Variants in CASK observed in about 807,000 individuals in gnomAD.
CASK encodes the protein calcium/calmodulin dependent serine protein kinase, also known as peripheral plasma membrane protein CASK.
A neutral mutation model predicts 82.9 loss-of-function variants in CASK; 4 were observed. The observed-to-expected ratio is 0.05, with a 90% confidence interval of 0.02 to 0.11. The LOEUF (loss-of-function observed/expected upper bound fraction) is 0.11. CASK is among the 10% of genes least tolerant of loss of function. The pLI, the probability that CASK is intolerant of heterozygous loss-of-function variation, is 1.00. For missense variants in CASK, 358 were observed against 720.9 expected, an observed-to-expected ratio of 0.50 and a Z score of 5.76; for synonymous variants, 259 against 253.5, an observed-to-expected ratio of 1.02 and a Z score of -0.20.
intron 25 of CASK, among the ~76,000 whole-genome samples, chrX:41,527,985 C>A (rs905347823): frequency 2.2e-4 from 25 of 112,480 alleles, no homozygotes; most frequent in African/African-American, 6.8e-4. Context: ...TTACATTGTA[C>A]TACTATGGAT....
chrX:41,712,967 A>G (rs987559668), intron 5 of CASK, among the ~76,000 whole-genome samples: 2 of 111,250 alleles, frequency 1.8e-5, no homozygotes, highest in African/African-American at 6.5e-5. Context: ...CCCACTACCC[A>G]CCAAATTATC....
intron 10 of CASK, 54 bp downstream of exon 10, chrX:41,626,550 T>C (rs921053025): frequency 1.4e-6 from 1 of 727,615 alleles, no homozygotes; most frequent in Non-Finnish European, 2.2e-6. Flanking sequence ...TGGGAGAGAA[T>C]GGATGTAAAT....
intron 22 of CASK, among the ~76,000 whole-genome samples, chrX:41,541,015 T>C (rs1278725003): frequency 1.8e-5 from 2 of 112,250 alleles, no homozygotes; most frequent in African/African-American, 3.2e-5. Flanking sequence ...ATCCCATCTA[T>C]ATCTATGTAT....
At chrX:41,723,667 T>C (rs2068205525) in intron 5 of CASK, among the ~76,000 whole-genome samples, 1 of 111,648 alleles carries the variant, frequency 9.0e-6, no homozygotes, top group Non-Finnish European at 1.9e-5. Flanking sequence ...TTACAGTGAG[T>C]TCCTCTGGGC....
intron 14 of CASK, among the ~76,000 whole-genome samples, chrX:41,580,667 C>G (rs764728917): frequency 9.0e-6 from 1 of 111,344 alleles, no homozygotes; most frequent in Non-Finnish European, 1.9e-5. Context: ...GAAACTTAAC[C>G]TAAAGCTCTA....
chrX:41,680,733 T>G lies in CASK; in HGVS notation c.430-9203A>C, dbSNP rs776498609. ...GAGTTCAAGACCAGCCTGACCAACA[T>G]GGAGAAACCCCGTCTCTACTAAAAA... On this transcript the variant is annotated intron_variant, in intron 5 of 26. Transcript: ENST00000378163. 5.5e-5 allele frequency among the ~76,000 whole-genome samples: 6 copies of G among 109,250 alleles called. No homozygotes were observed. The South Asian group carries it at 2.4e-3, about 43-fold the overall frequency. The allele number at this position is 109,250 out of a possible 115,157, so 94.9% of individuals were successfully genotyped here.
intron 5 of CASK, among the ~76,000 whole-genome samples, chrX:41,734,787 C>T (rs2068470412): frequency 9.0e-6 from 1 of 111,261 alleles, no homozygotes; most frequent in Admixed American, 9.6e-5. Flanking sequence ...CCAGGACAGC[C>T]TCCCACAGCA....
intron 22 of CASK, among the ~76,000 whole-genome samples, chrX:41,542,370 T>C (rs1454837157): frequency 2.7e-5 from 3 of 113,088 alleles, no homozygotes; most frequent in Non-Finnish European, 3.7e-5. Context: ...CAAGGATAGA[T>C]AAGAATCCTG....
intron 12 of CASK, among the ~76,000 whole-genome samples, chrX:41,603,421 C>A (rs746935223): frequency 8.9e-6 from 1 of 111,854 alleles, no homozygotes; most frequent in Non-Finnish European, 1.9e-5. Flanking sequence ...CCATGGCTAA[C>A]TCCAGGCCAG....
chrX:41,576,688 C>A (rs184142091), intron 15 of CASK, among the ~76,000 whole-genome samples: 9 of 111,906 alleles, frequency 8.0e-5, no homozygotes, highest in Non-Finnish European at 1.9e-5. Flanking sequence ...GAATATTAGA[C>A]TTTCAGAGCT....
At chrX:41,701,913 T>C (rs1169728791) in intron 5 of CASK, among the ~76,000 whole-genome samples, 1 of 112,304 alleles carries the variant, frequency 8.9e-6, no homozygotes, top group Non-Finnish European at 1.9e-5. Context: ...TGCAAGTTGG[T>C]AGACTTCCAT....
At chrX:41,564,947 A>C (rs1177814519) in intron 16 of CASK, among the ~76,000 whole-genome samples, 1 of 112,242 alleles carries the variant, frequency 8.9e-6, no homozygotes, top group African/African-American at 3.2e-5. Context: ...AAACCGCTCA[A>C]CTACATGGAA....
At chrX:41,844,894 T>C (rs1433617741) in intron 2 of CASK, among the ~76,000 whole-genome samples, 1 of 112,005 alleles carries the variant, frequency 8.9e-6, no homozygotes, top group Non-Finnish European at 1.9e-5. Flanking sequence ...TATTTTTGTT[T>C]TCATTCATCT....
intron 2 of CASK, among the ~76,000 whole-genome samples, chrX:41,804,704 C>T (rs928473412): frequency 9.0e-6 from 1 of 111,561 alleles, no homozygotes; most frequent in African/African-American, 3.3e-5. Flanking sequence ...TTACATGCTA[C>T]AAATTATAAA....
chrX:41,738,193 T>C (rs2068532126), intron 5 of CASK, among the ~76,000 whole-genome samples: 2 of 112,765 alleles, frequency 1.8e-5, no homozygotes. Flanking sequence ...CAGGCTGGTC[T>C]TGAACTCCTG....
At chrX:41,545,876 C>T (rs182156312) in intron 21 of CASK, among the ~76,000 whole-genome samples, 1 of 109,279 alleles carries the variant, frequency 9.2e-6, no homozygotes, top group Admixed American at 9.8e-5. Flanking sequence ...GGCTGGAATG[C>T]GGTGGTGCAA....
At chrX:41,916,840 G>C (rs936818345) in intron 1 of CASK, among the ~76,000 whole-genome samples, 1 of 111,946 alleles carries the variant, frequency 8.9e-6, no homozygotes, top group Non-Finnish European at 1.9e-5. Flanking sequence ...TGGGGCAAGG[G>C]AAATGGAAGA....
At chrX:41,551,383 GCTTATCTGTTTC>G (rs757189364) in intron 21 of CASK, among the ~76,000 whole-genome samples, 402 of 111,361 alleles carry the variant, frequency 3.6e-3, no homozygotes, top group Non-Finnish European at 6.1e-3. Flanking sequence ...ATAAGGGTAT[GCTTATCTGTTTC>G]CTTTTAGCCT....
At chrX:41,689,458 T>C (rs1003204793) in intron 5 of CASK, among the ~76,000 whole-genome samples, 1 of 112,068 alleles carries the variant, frequency 8.9e-6, no homozygotes, top group Admixed American at 9.5e-5. Flanking sequence ...TTATAACTTA[T>C]TGACTTTAAG....
Sources: allele counts gnomAD v4.1 joint callset (sites outside exome capture counted in the v4.1 genomes callset), GRCh38; gene constraint gnomAD v4.1.1; transcripts MANE v1.5; gene names NCBI Gene and HGNC (gene_info 2026-07-23, HGNC 2026-07-21).